SFMBT2: variants seen among roughly 807,000 people sequenced by gnomAD.
SFMBT2 encodes scm-like with four MBT domains protein 2.
Under a neutral mutation model 110.1 loss-of-function variants are expected in SFMBT2, and 38 were observed. The ratio of observed to expected loss-of-function variants is 0.35; its 90% confidence interval spans 0.27 to 0.45. The LOEUF (loss-of-function observed/expected upper bound fraction) is 0.45. Ranked by LOEUF, SFMBT2 falls within the 20% of genes least tolerant of loss-of-function variation. The pLI is 1.00. For missense variants in SFMBT2, 1,011 were observed against 1,094.9 expected, an observed-to-expected ratio of 0.92 and a Z score of 1.08; for synonymous variants, 425 against 425.4, an observed-to-expected ratio of 1.00 and a Z score of 0.01.
rs963221641 is a variant in SFMBT2 at position 7,392,513 on chromosome 10, CAA to C, written c.-51-10566_-51-10565del. ...CTGGACAAAGAGCGAGACTCCGTCTCAAAGGAAAAAAAAAAATAGTATCCTGC... is the reference window on the plus strand; with the variant it reads ...CTGGACAAAGAGCGAGACTCCGTCTCAGGAAAAAAAAAAATAGTATCCTGC... On this transcript the variant is annotated intron_variant, in intron 1 of 20. Coordinates refer to ENST00000397167, the MANE Select transcript of SFMBT2 (RefSeq NM_001387889.1). Among the ~76,000 whole-genome samples, 9 of 150,200 alleles carry C rather than the reference CAA, an allele frequency of 6.0e-5. No homozygotes were observed. The South Asian group carries it at 1.7e-3, about 28-fold the overall frequency.
Position 7,231,901 on chromosome 10 carries a change from T to C in SFMBT2, c.1121-3964A>G, listed in dbSNP as rs577172380. ...ACTGCGACATAAAAACAAATTGCTG[T>C]GGATGGTATAATAGAGATGACAGGG... On this transcript the variant is annotated intron_variant, in intron 9 of 20. Transcript: ENST00000397167. 3.3e-5 allele frequency among the ~76,000 whole-genome samples: 5 copies of C among 152,310 alleles called. No homozygotes were observed. In the South Asian group the frequency reaches 6.2e-4, roughly 19 times the overall value.
intron 9 of SFMBT2, among the ~76,000 whole-genome samples, chr10:7,238,737 A>G (rs1003208823): frequency 6.6e-6 from 1 of 152,182 alleles, no homozygotes; most frequent in African/African-American, 2.4e-5. Flanking sequence ...AAGGCTGAAC[A>G]TTTTCTACAA....
At chr10:7,183,589 C>T (rs2762612) in intron 16 of SFMBT2, among the ~76,000 whole-genome samples, 50,595 of 152,008 alleles carry the variant, frequency 0.33, 8,786 homozygotes, top group South Asian at 0.55. Context: ...ATGGAGACTG[C>T]CATAAATTCC....
chr10:7,246,081 T>A, intron 8 of SFMBT2: 1 of 885,712 alleles, frequency 1.1e-6, no homozygotes, highest in Non-Finnish European at 1.4e-6. Context: ...CTACCTAGGT[T>A]CTAAAAGACA....
At position 7,295,926 on chromosome 10, in the gene SFMBT2, G is replaced by C. The variant is rs576024455; in HGVS notation, c.437-9972C>G. ...GGACTTTAATCCCAAAAGACCTAAC[G>C]CTTTCTCTGAAGTTCCCAAGAAGAT... is the stretch of plus-strand genomic sequence containing the variant. On this transcript the variant is annotated intron_variant, in intron 4 of 20. Coordinates refer to ENST00000397167, the MANE Select transcript of SFMBT2 (RefSeq NM_001387889.1). Among the ~76,000 whole-genome samples the C allele has an allele frequency of 2.0e-5, 3 of 152,128 alleles. No homozygotes were observed. The South Asian group carries it at 6.2e-4, about 32-fold the overall frequency.
At chr10:7,334,068 C>G (rs187602314) in intron 4 of SFMBT2, among the ~76,000 whole-genome samples, 1 of 152,170 alleles carries the variant, frequency 6.6e-6, no homozygotes. Flanking sequence ...TGCTACGCGA[C>G]GGCTCTTCCC....
chr10:7,224,451 TA>T (rs1457013552), intron 10 of SFMBT2, among the ~76,000 whole-genome samples: 11 of 152,214 alleles, frequency 7.2e-5, no homozygotes, highest in African/African-American at 2.7e-4. Context: ...CCAAATTTTG[TA>T]ATATGGTTCA....
chr10:7,275,082 G>A (rs902967756), intron 7 of SFMBT2, among the ~76,000 whole-genome samples: 2 of 152,162 alleles, frequency 1.3e-5, no homozygotes, highest in Non-Finnish European at 2.9e-5. Flanking sequence ...ACAAAGAGAG[G>A]CACAGGCAGG....
intron 7 of SFMBT2, among the ~76,000 whole-genome samples, chr10:7,271,480 T>C (rs557835152): frequency 2.6e-5 from 4 of 152,098 alleles, no homozygotes; most frequent in East Asian, 3.9e-4. Flanking sequence ...GCCGGTATTA[T>C]ACAAGGAGCT....
chr10:7,401,737 C>CA (rs1390902100), intron 1 of SFMBT2, among the ~76,000 whole-genome samples: 1 of 152,218 alleles, frequency 6.6e-6, no homozygotes, highest in Non-Finnish European at 1.5e-5. Flanking sequence ...AAGGTGAACT[C>CA]AGTCTCTTCC....
intron 1 of SFMBT2, among the ~76,000 whole-genome samples, chr10:7,395,408 T>A (rs1387494526): frequency 6.6e-6 from 1 of 152,256 alleles, no homozygotes; most frequent in African/African-American, 2.4e-5. Flanking sequence ...CTTTTTGACA[T>A]TTCTGAAATC....
At chr10:7,365,552 C>T (rs1844867968) in intron 4 of SFMBT2, among the ~76,000 whole-genome samples, 1 of 152,158 alleles carries the variant, frequency 6.6e-6, no homozygotes, top group African/African-American at 2.4e-5. Context: ...AAAGAACCAC[C>T]CAAGTGGAAG....
intron 9 of SFMBT2, among the ~76,000 whole-genome samples, chr10:7,229,962 C>T (rs1263370280): frequency 1.3e-5 from 2 of 151,752 alleles, no homozygotes; most frequent in Admixed American, 6.6e-5. Context: ...TATGATCCAC[C>T]CACCTCAGCA....
intron 4 of SFMBT2, among the ~76,000 whole-genome samples, chr10:7,336,783 G>T (rs1843728184): frequency 1.3e-5 from 2 of 152,180 alleles, no homozygotes; most frequent in South Asian, 4.1e-4. Context: ...AAGGTTAACA[G>T]GGAAAGGCCA....
intron 1 of SFMBT2, among the ~76,000 whole-genome samples, chr10:7,393,677 A>G (rs1845843892): frequency 6.6e-6 from 1 of 152,196 alleles, no homozygotes; most frequent in Admixed American, 6.5e-5. Flanking sequence ...AACATTGCCC[A>G]GCTTTCCTTG....
intron 16 of SFMBT2, among the ~76,000 whole-genome samples, chr10:7,184,366 C>A (rs1838333730): frequency 6.6e-6 from 1 of 152,070 alleles, no homozygotes; most frequent in East Asian, 1.9e-4. Context: ...TAAGGGGAAA[C>A]CCCTTTTGCT....
Position 7,367,598 on chromosome 10 carries a change from G to T in SFMBT2, c.436+51C>A. The T allele has an allele frequency of 6.3e-7, 1 of 1,579,146 alleles. No homozygotes were observed. The highest frequency in any genetic ancestry group is 8.6e-7 in the Non-Finnish European group (1 of 1,162,968). ...CTCTGCTCCTTGCAAAATTACAGGC[G>T]TCATGAAGGATGGCGGCTCGTAAAT... is the stretch of plus-strand genomic sequence containing the variant. On this transcript the variant is annotated intron_variant, in intron 4 of 20. Coordinates refer to ENST00000397167, the MANE Select transcript of SFMBT2 (RefSeq NM_001387889.1). This position sits in a 1 kb window ranked among gnomAD's most constrained non-coding sequence, Gnocchi z 6.2.
intron 16 of SFMBT2, among the ~76,000 whole-genome samples, chr10:7,188,243 T>C (rs1168557237): frequency 6.6e-6 from 1 of 152,202 alleles, no homozygotes; most frequent in Non-Finnish European, 1.5e-5. Flanking sequence ...TTTAGCATAG[T>C]CTATATAATA....
intron 10 of SFMBT2, among the ~76,000 whole-genome samples, chr10:7,224,264 G>A (rs953024621): frequency 6.6e-6 from 1 of 152,144 alleles, no homozygotes; most frequent in Admixed American, 6.5e-5. Flanking sequence ...CTCTTGAGAA[G>A]CAGCTCAAAT....
Sources: gnomAD v4.1 joint callset for allele counts (sites outside exome capture counted in the v4.1 genomes callset) on GRCh38, gnomAD v4.1.1 for gene constraint, Gnocchi (gnomAD v3.1) non-coding constraint, MANE v1.5 for transcripts, NCBI Gene and HGNC (gene_info 2026-07-23, HGNC 2026-07-21) for gene names.